DOCK3: variants seen among roughly 807,000 people sequenced by gnomAD.
DOCK3 encodes dedicator of cytokinesis 3, also known as dedicator of cytokinesis protein 3.
A neutral mutation model predicts 265.6 loss-of-function variants in DOCK3; 60 were observed. The ratio of observed to expected loss-of-function variants is 0.23; its 90% CI spans 0.18 to 0.28. The LOEUF is 0.28. Among genes scored for constraint, DOCK3 ranks in the 10% least tolerant of loss-of-function variants. The pLI, the probability that DOCK3 is intolerant of heterozygous loss-of-function variation, is 1.00. For synonymous variants in DOCK3, 881 were observed against 938.0 expected (o/e 0.94, Z 1.11); for missense variants, 1,981 against 2,594.3 (o/e 0.76, Z 5.14).
intron 1 of DOCK3, among the ~76,000 whole-genome samples, chr3:50,748,127 C>T (rs771875178): frequency 3.3e-5 from 5 of 152,100 alleles, no homozygotes; most frequent in Non-Finnish European, 5.9e-5. Context: ...TGGCTACAGC[C>T]GTCAGTACAG....
intron 5 of DOCK3, among the ~76,000 whole-genome samples, chr3:51,001,350 A>G (rs2078478261): frequency 6.6e-6 from 1 of 152,346 alleles, no homozygotes; most frequent in Non-Finnish European, 1.5e-5. Flanking sequence ...ATTCCAACTC[A>G]AATGGAAACA....
chr3:51,249,041 A>C (rs1344077771), intron 22 of DOCK3, among the ~76,000 whole-genome samples: 1 of 138,036 alleles, frequency 7.2e-6, no homozygotes. Context: ...CCCGGCAGCC[A>C]CCCCGTCTGG....
chr3:51,025,960 C>G (rs954999980), intron 5 of DOCK3, among the ~76,000 whole-genome samples: 2 of 152,078 alleles, frequency 1.3e-5, no homozygotes, highest in African/African-American at 4.8e-5. Context: ...TTTCACCTGT[C>G]TCATGGAGTA....
chr3:51,288,715 A>G (rs1422996606), intron 27 of DOCK3, among the ~76,000 whole-genome samples: 1 of 152,206 alleles, frequency 6.6e-6, no homozygotes, highest in Non-Finnish European at 1.5e-5. Context: ...TTTCCTGAAA[A>G]TGAGTTTGAA....
At chr3:50,868,709 T>A (rs2047265567) in intron 3 of DOCK3, among the ~76,000 whole-genome samples, 1 of 152,036 alleles carries the variant, frequency 6.6e-6, no homozygotes, top group Non-Finnish European at 1.5e-5. Context: ...GTTACTGGTC[T>A]TTTCAGGTTT....
At chr3:51,016,611 A>T (rs1441983574) in intron 5 of DOCK3, among the ~76,000 whole-genome samples, 1 of 65,876 alleles carries the variant, frequency 1.5e-5, no homozygotes, top group African/African-American at 6.4e-5. Flanking sequence ...TATATATATT[A>T]TATATTTATA....
intron 5 of DOCK3, among the ~76,000 whole-genome samples, chr3:51,011,571 T>G (rs9682254): frequency 0.75 from 113,948 of 152,080 alleles, 43,889 homozygotes; most frequent in Middle Eastern, 0.88. Flanking sequence ...GAGTTTGAAC[T>G]TCCTCCTTTA....
intron 27 of DOCK3, among the ~76,000 whole-genome samples, chr3:51,294,326 A>T (rs2109218412): frequency 6.6e-6 from 1 of 152,360 alleles, no homozygotes; most frequent in Non-Finnish European, 1.5e-5. Flanking sequence ...ATGTTAAGTG[A>T]AGTAAACCAG....
At chr3:51,279,707 C>A (rs2081010122) in intron 26 of DOCK3, among the ~76,000 whole-genome samples, 3 of 152,178 alleles carry the variant, frequency 2.0e-5, no homozygotes, top group African/African-American at 2.4e-5. Flanking sequence ...TCTAGTCCAG[C>A]AGGATCGGCA....
intron 5 of DOCK3, among the ~76,000 whole-genome samples, chr3:50,972,184 T>C (rs1227995965): frequency 6.6e-6 from 1 of 152,234 alleles, no homozygotes; most frequent in Non-Finnish European, 1.5e-5. Context: ...ATGCTGCTAC[T>C]GGGAGGGGCC....
intron 12 of DOCK3, among the ~76,000 whole-genome samples, chr3:51,203,046 C>A (rs1342581017): frequency 6.6e-6 from 1 of 152,280 alleles, no homozygotes; most frequent in East Asian, 1.9e-4. Context: ...CTATCACAAA[C>A]CCACAGCCAA....
At chr3:51,093,942 T>C (rs1161995428) in intron 9 of DOCK3, among the ~76,000 whole-genome samples, 1 of 152,234 alleles carries the variant, frequency 6.6e-6, no homozygotes, top group Non-Finnish European at 1.5e-5. Context: ...GTTTTTGTCA[T>C]TGGTTCTGTT....
intron 5 of DOCK3, among the ~76,000 whole-genome samples, chr3:50,967,259 A>G (rs1254734598): frequency 6.6e-6 from 1 of 152,146 alleles, no homozygotes; most frequent in Non-Finnish European, 1.5e-5. Flanking sequence ...TATGAGTGAC[A>G]ACATGTGATA....
intron 9 of DOCK3, among the ~76,000 whole-genome samples, chr3:51,100,006 A>G (rs897510612): frequency 6.6e-6 from 1 of 150,828 alleles, no homozygotes; most frequent in East Asian, 2.0e-4. Context: ...ACTGGCAGCC[A>G]TGTCACCCTT....
At chr3:51,314,017 T>C (rs1351154802) in intron 31 of DOCK3, among the ~76,000 whole-genome samples, 1 of 152,220 alleles carries the variant, frequency 6.6e-6, no homozygotes, top group Non-Finnish European at 1.5e-5. Context: ...CTCATTTCTT[T>C]TGGTGGAAAT....
Position 51,379,308 on chromosome 3 carries a change from G to T in DOCK3, c.5501-817G>T, listed in dbSNP as rs548085448. On this transcript the variant is annotated intron_variant, in intron 51 of 52. Coordinates refer to ENST00000266037, the MANE Select transcript of DOCK3 (RefSeq NM_004947.5). ...TGGACCACAGTGCCTTGCTTGGCCA[G>T]CGTTTTTAGTTCCAGGTGCTGGCAT... The T allele has an allele frequency of 9.2e-6, 8 of 873,638 alleles. No individual in the cohort carries two copies. The African/African-American group carries it at 1.5e-4, about 16-fold the overall frequency. 54.1% of individuals were successfully genotyped at this position (873,638 alleles called of 1,614,324 possible).
chr3:50,962,140 A>C (rs1374730027), intron 5 of DOCK3, among the ~76,000 whole-genome samples: 1 of 151,974 alleles, frequency 6.6e-6, no homozygotes, highest in East Asian at 1.9e-4. Flanking sequence ...TCCTAATGCT[A>C]TCCCTCCCCT....
At chr3:51,308,759 C>T (rs1170738218) in intron 27 of DOCK3, among the ~76,000 whole-genome samples, 3 of 151,980 alleles carry the variant, frequency 2.0e-5, no homozygotes, top group Admixed American at 6.6e-5. Context: ...GGGTGGTGGC[C>T]GGGCAGAGGG....
intron 3 of DOCK3, among the ~76,000 whole-genome samples, chr3:50,870,248 T>C (rs2047370321): frequency 6.6e-6 from 1 of 152,358 alleles, no homozygotes; most frequent in South Asian, 2.1e-4. Flanking sequence ...AAAGTCTATC[T>C]TTCTCTTTTG....
Sources: gnomAD v4.1 joint callset for allele counts (sites outside exome capture counted in the v4.1 genomes callset) on GRCh38, gnomAD v4.1.1 for gene constraint, MANE v1.5 for transcripts, NCBI Gene and HGNC (gene_info 2026-07-23, HGNC 2026-07-21) for gene names.